PTGR2: variants seen among roughly 807,000 people sequenced by gnomAD.
The protein encoded by PTGR2 is 15-oxoprostaglandin 13-reductase.
In PTGR2, 32 loss-of-function variants were observed where a neutral mutation model predicts 43.4. That is an observed-to-expected ratio of 0.74 (90% CI 0.56 to 0.99). The LOEUF is 0.99. Among genes scored for constraint, PTGR2 ranks in the 50% least tolerant of loss-of-function variants. PTGR2 has a pLI of 0.00. For missense variants in PTGR2, 373 were observed against 420.0 expected, an observed-to-expected ratio of 0.89 and a Z score of 0.98; for synonymous variants, 106 against 139.2, an observed-to-expected ratio of 0.76 and a Z score of 1.68.
At chr14:73,860,005 C>T (rs533657331) in intron 2 of PTGR2, among the ~76,000 whole-genome samples, 3 of 151,840 alleles carry the variant, frequency 2.0e-5, no homozygotes, top group East Asian at 3.9e-4. Context: ...TGCGCCACCA[C>T]GCCTGGCTAG....
intron 6 of PTGR2, 41 bp downstream of exon 6, chr14:73,879,346 T>A (rs2054931526): frequency 1.3e-6 from 2 of 1,552,570 alleles, no homozygotes; most frequent in Middle Eastern, 3.5e-4. Context: ...ATACTGCACT[T>A]TATATGTTGT....
chr14:73,884,256 A>AG lies in PTGR2; in HGVS notation c.*80dup. 3 of 877,416 alleles carry AG rather than the reference A, an allele frequency of 3.4e-6. No individual in the cohort carries two copies. Among genetic ancestry groups the AG allele is most frequent in the Non-Finnish European group, 5.5e-6 (3 of 540,768 alleles). 54.4% of individuals were successfully genotyped at this position (877,416 alleles called of 1,614,324 possible). On this transcript the variant is annotated 3_prime_UTR_variant, in exon 10 of 10. Transcript: ENST00000555661. Reference sequence around the variant, plus strand: ...TTCAAAGATATGTTAAAAAATCCTTAGACTATACATAGCTCTTGATTTAAA... The same window carrying AG: ...TTCAAAGATATGTTAAAAAATCCTTAGGACTATACATAGCTCTTGATTTAAA...
intron 3 of PTGR2, among the ~76,000 whole-genome samples, chr14:73,873,711 G>A (rs1176774713): frequency 6.6e-6 from 1 of 151,982 alleles, no homozygotes; most frequent in Non-Finnish European, 1.5e-5. Flanking sequence ...TGATCTGCCC[G>A]CCTCAGCCTC....
At chr14:73,880,300 T>C in intron 7 of PTGR2, 124 bp downstream of exon 7, 1 of 1,157,714 alleles carries the variant, frequency 8.6e-7, no homozygotes, top group East Asian at 2.6e-5. Flanking sequence ...AGGTCGGGCA[T>C]AGTGGCTTAT....
chr14:73,878,877 C>T (rs1432219097), intron 5 of PTGR2: 2 of 517,894 alleles, frequency 3.9e-6, no homozygotes, highest in East Asian at 3.4e-5. Flanking sequence ...AGTTGAGGAA[C>T]ATAAGTCTAC....
At chr14:73,857,664 G>GTTTTTTGTT (rs2054384045) in intron 1 of PTGR2, among the ~76,000 whole-genome samples, 1 of 64,696 alleles carries the variant, frequency 1.5e-5, no homozygotes, top group Non-Finnish European at 2.7e-5. Context: ...AGCAGTTAGT[G>GTTTTTTGTT]TTTTTTTTTT....
chr14:73,880,134 C>A lies in PTGR2; in HGVS notation c.809C>A (p.Ser270Tyr), dbSNP rs1417759095. The A allele has an allele frequency of 1.9e-6, 3 of 1,613,972 alleles. No individual in the cohort carries two copies. Among genetic ancestry groups the A allele is most frequent in the South Asian group, 1.1e-5 (1 of 91,086 alleles). ...GATGTGCCTTATCCTCCCCCGCTATCCCCTGCTATAGAGGCAATCCAGAAA... is the reference window on the plus strand; with the variant it reads ...GATGTGCCTTATCCTCCCCCGCTATACCCTGCTATAGAGGCAATCCAGAAA... ...NKDVPYPPPL[S>Y]PAIEAIQKER... The change falls in exon 7 of 10, where the codon TCC becomes TAC. Residue 270 changes from serine (S) to tyrosine (Y), a missense_variant. By Grantham distance (144) the Ser-to-Tyr change is moderately radical. Coordinates refer to ENST00000555661, the MANE Select transcript of PTGR2 (RefSeq NM_001146154.2).
intron 3 of PTGR2, among the ~76,000 whole-genome samples, chr14:73,864,852 G>A (rs1325690606): frequency 1.3e-5 from 2 of 152,108 alleles, no homozygotes; most frequent in African/African-American, 4.8e-5. Flanking sequence ...AATACTTTCA[G>A]ACTCATATCT....
intron 4 of PTGR2, 147 bp from the exon 5 acceptor site, chr14:73,876,851 T>TA (rs1313662415): frequency 1.7e-6 from 1 of 572,524 alleles, no homozygotes; most frequent in East Asian, 2.8e-5. Flanking sequence ...TTTAAGTGCC[T>TA]ATCTCCAAAT....
chr14:73,870,489 G>A (rs1057131709), intron 3 of PTGR2, among the ~76,000 whole-genome samples: 1 of 151,952 alleles, frequency 6.6e-6, no homozygotes, highest in Non-Finnish European at 1.5e-5. Flanking sequence ...CTCTTAAGCA[G>A]CTTTAAAAGG....
intron 3 of PTGR2, among the ~76,000 whole-genome samples, chr14:73,866,292 C>A (rs117588137): frequency 0.015 from 2,306 of 152,244 alleles, 22 homozygotes; most frequent in Non-Finnish European, 0.024. Flanking sequence ...GCATGAGCTA[C>A]TATGCCTGAA....
intron 3 of PTGR2, among the ~76,000 whole-genome samples, chr14:73,862,122 T>C (rs1171296616): frequency 1.3e-5 from 2 of 151,838 alleles, no homozygotes; most frequent in Non-Finnish European, 2.9e-5. Flanking sequence ...TTTTTTGTTA[T>C]GTAGAGGCTG....
chr14:73,863,923 A>G (rs1359078669), intron 3 of PTGR2, among the ~76,000 whole-genome samples: 1 of 152,014 alleles, frequency 6.6e-6, no homozygotes, highest in African/African-American at 2.4e-5. Flanking sequence ...GCCGACTCAT[A>G]TCTAAGAAGG....
chr14:73,857,192 C>G (rs1488043974), intron 1 of PTGR2, among the ~76,000 whole-genome samples: 2 of 149,738 alleles, frequency 1.3e-5, no homozygotes, highest in Non-Finnish European at 3.0e-5. Context: ...TTTTAAATTC[C>G]TTGATATATT....
At chr14:73,875,820 C>CTTTTTTTTT (rs953891690) in intron 4 of PTGR2, among the ~76,000 whole-genome samples, 13 of 94,390 alleles carry the variant, frequency 1.4e-4, no homozygotes, top group Non-Finnish European at 2.2e-4. Flanking sequence ...TTAAAAGTTT[C>CTTTTTTTTT]TTTTTTTTTT....
At chr14:73,866,975 G>T (rs1222436437) in intron 3 of PTGR2, among the ~76,000 whole-genome samples, 2 of 151,424 alleles carry the variant, frequency 1.3e-5, no homozygotes, top group African/African-American at 4.9e-5. Context: ...TGTAATCCCA[G>T]CTACTCAGGA....
intron 9 of PTGR2, 132 bp from the exon 10 acceptor site, chr14:73,883,969 C>T (rs375186875): frequency 4.8e-6 from 3 of 626,972 alleles, no homozygotes; most frequent in Non-Finnish European, 8.3e-6. Flanking sequence ...TTTTCATGAC[C>T]ATTTTCTTCT....
In PTGR2 at chr14:73,884,497, T is replaced by A. The variant is rs751340281; in HGVS notation, c.*320T>A. ...AATGAATCATACACAATAGGTTTTT[T>A]AAAATTAATATTAATAACTTTTATT... On this transcript the variant is annotated 3_prime_UTR_variant, in exon 10 of 10. Coordinates refer to ENST00000555661, the MANE Select transcript of PTGR2 (RefSeq NM_001146154.2). 13 of 159,572 alleles carry A rather than the reference T, an allele frequency of 8.1e-5. No homozygotes were observed. The highest frequency in any genetic ancestry group is 1.6e-4 in the Non-Finnish European group (12 of 73,204). The allele number at this position is 159,572 out of a possible 1,614,324, so 9.9% of individuals were successfully genotyped here.
At chr14:73,871,228 A>G (rs1466692213) in intron 3 of PTGR2, among the ~76,000 whole-genome samples, 1 of 152,146 alleles carries the variant, frequency 6.6e-6, no homozygotes, top group African/African-American at 2.4e-5. Flanking sequence ...GAGTTTCCAA[A>G]TAGCTGAACA....
Sources: allele counts gnomAD v4.1 joint callset (sites outside exome capture counted in the v4.1 genomes callset), GRCh38; gene constraint gnomAD v4.1.1; transcripts MANE v1.5; gene names NCBI Gene and HGNC (gene_info 2026-07-23, HGNC 2026-07-21).